The following SPON1 variants were observed in gnomAD, a reference collection of about 807,000 sequenced individuals.
SPON1 encodes spondin-1.
In SPON1, 52 loss-of-function variants were observed where a neutral mutation model predicts 111.7. The observed-to-expected ratio is 0.47, with a 90% CI of 0.37 to 0.59. SPON1 has a LOEUF of 0.59. Among genes scored for constraint, SPON1 ranks in the 20% least tolerant of loss-of-function variants. The probability of loss-of-function intolerance (pLI) is 0.00; values close to 1 mark genes in which losing one functional copy is unlikely to be tolerated. For missense variants in SPON1, 957 were observed against 1,068.5 expected, an observed-to-expected ratio of 0.90 and a Z score of 1.46; for synonymous variants, 410 against 395.8, an observed-to-expected ratio of 1.04 and a Z score of -0.43.
chr11:14,185,251 T>C (rs1419722184), intron 6 of SPON1, among the ~76,000 whole-genome samples: 1 of 152,232 alleles, frequency 6.6e-6, no homozygotes, highest in Non-Finnish European at 1.5e-5. Flanking sequence ...TTCCCTTAAA[T>C]ATTATAGCTA....
intron 2 of SPON1, among the ~76,000 whole-genome samples, chr11:14,029,390 G>A (rs1848542095): frequency 6.6e-6 from 1 of 152,178 alleles, no homozygotes; most frequent in Admixed American, 6.5e-5. Flanking sequence ...AATATACACT[G>A]ATAGTTTTGT....
At chr11:14,137,318 C>T (rs11023098) in intron 6 of SPON1, among the ~76,000 whole-genome samples, 56,360 of 152,016 alleles carry the variant, frequency 0.37, 10,925 homozygotes, top group East Asian at 0.54. Flanking sequence ...TGTTCCTAAT[C>T]AGCATGGCTG....
intron 2 of SPON1, among the ~76,000 whole-genome samples, chr11:14,012,253 G>C (rs961055294): frequency 6.6e-6 from 1 of 152,130 alleles, no homozygotes; most frequent in East Asian, 1.9e-4. Context: ...AGTGATTGCA[G>C]CTCCAGACAA....
At chr11:14,011,648 G>T (rs1186644358) in intron 2 of SPON1, among the ~76,000 whole-genome samples, 5 of 152,098 alleles carry the variant, frequency 3.3e-5, no homozygotes, top group Admixed American at 1.3e-4. Flanking sequence ...GGCCCTTCAT[G>T]ATCTGGCAAC....
chr11:14,125,356 G>A (rs1304739919), intron 5 of SPON1, among the ~76,000 whole-genome samples: 3 of 152,168 alleles, frequency 2.0e-5, no homozygotes, highest in Non-Finnish European at 2.9e-5. Context: ...GTCTGTAGAT[G>A]GGTTAACCTT....
chr11:14,255,071 T>G (rs1849091244), intron 8 of SPON1, among the ~76,000 whole-genome samples: 1 of 152,234 alleles, frequency 6.6e-6, no homozygotes, highest in Non-Finnish European at 1.5e-5. Context: ...TATGATCTAT[T>G]GCATTGAAAT....
chr11:14,008,686 A>G (rs1296035315), intron 2 of SPON1, among the ~76,000 whole-genome samples: 1 of 152,142 alleles, frequency 6.6e-6, no homozygotes, highest in Non-Finnish European at 1.5e-5. Context: ...TCCTGAGACC[A>G]TCTCTACTCA....
At chr11:14,030,479 C>T (rs1309826861) in intron 2 of SPON1, among the ~76,000 whole-genome samples, 6 of 152,194 alleles carry the variant, frequency 3.9e-5, no homozygotes, top group African/African-American at 1.4e-4. Context: ...GTCACCTCCC[C>T]CACAATCCCA....
chr11:14,026,542 C>A (rs1327367323), intron 2 of SPON1, among the ~76,000 whole-genome samples: 1 of 152,178 alleles, frequency 6.6e-6, no homozygotes, highest in Non-Finnish European at 1.5e-5. Context: ...TCTGAAATAA[C>A]CCTCAGCAGA....
At chr11:14,105,433 C>A (rs1554924805) in intron 5 of SPON1, among the ~76,000 whole-genome samples, 1 of 152,086 alleles carries the variant, frequency 6.6e-6, no homozygotes, top group African/African-American at 2.4e-5. Flanking sequence ...ATTGTTTACT[C>A]CTTCCTGCCC....
chr11:14,237,088 T>A (rs16913752), intron 6 of SPON1, among the ~76,000 whole-genome samples: 1 of 152,302 alleles, frequency 6.6e-6, no homozygotes, highest in Admixed American at 6.5e-5. Context: ...TTGGGCACAA[T>A]TGGTTTTAAA....
At chr11:14,215,035 C>G (rs1360445181) in intron 6 of SPON1, among the ~76,000 whole-genome samples, 1 of 152,078 alleles carries the variant, frequency 6.6e-6, no homozygotes, top group Non-Finnish European at 1.5e-5. Flanking sequence ...TTCTACTCTG[C>G]CTTTTTTATG....
rs373594404 is a variant in SPON1 at position 14,265,536 on chromosome 11, G to A, written c.2273G>A (p.Arg758His). The A allele has an allele frequency of 6.0e-5, 96 of 1,612,938 alleles. No individual in the cohort carries two copies. The highest frequency in any genetic ancestry group is 2.3e-4 in the South Asian group (21 of 90,758). Residue 758 changes from arginine (R) to histidine (H), a missense_variant, in exon 16 of 16, where the codon CGC (arginine) becomes CAC (histidine). Physicochemically the swap from Arg to His is conservative, Grantham distance 29. Around this residue, in one of 5 missense-constraint regions of SPON1, gnomAD observed 549 missense variants for 606.2 expected, o/e 0.91. Transcript: ENST00000576479. The stretch of plus-strand genomic sequence containing the variant: ...CTCATGCTTTCAGGTTGTAGGATGC[G>A]CCCATGGACGGCCTGGTCAGAATGC... Reference protein sequence around the residue: ...EGEQFPGCRMRPWTAWSECTK... With the variant: ...EGEQFPGCRMHPWTAWSECTK...
chr11:14,126,980 T>G (rs75124164), intron 5 of SPON1, among the ~76,000 whole-genome samples: 3,308 of 152,272 alleles, frequency 0.022, 120 homozygotes, highest in African/African-American at 0.075. Flanking sequence ...GATCCTTGCA[T>G]GTGACATTCC....
chr11:14,234,957 C>T (rs1210932183), intron 6 of SPON1, among the ~76,000 whole-genome samples: 3 of 152,198 alleles, frequency 2.0e-5, no homozygotes, highest in Non-Finnish European at 4.4e-5. Flanking sequence ...TCCCGGGGAA[C>T]GGGGCATAGA....
In SPON1 at chr11:14,262,923, G is replaced by C; in HGVS notation, c.2208G>C (p.Glu736Asp). Residue 736 changes from glutamate to aspartate, a missense_variant, in exon 15 of 16, where the codon GAG (glutamate) becomes GAC (aspartate). Physicochemically the swap from Glu to Asp is conservative, Grantham distance 45 (BLOSUM62 2). Transcript: ENST00000576479. ...IQKLRWREAR[E>D]SRRSEQLKEE... ...AGCTACGCTGGAGGGAGGCCCGAGA[G>C]AGCCGGCGGAGTGAGCAGCTGAAGG... The C allele has an allele frequency of 6.2e-7, 1 of 1,613,816 alleles. No individual in the cohort carries two copies. Among genetic ancestry groups the C allele is most frequent in the Non-Finnish European group, 8.5e-7 (1 of 1,179,896 alleles).
At chr11:14,060,376 G>A (rs911959364) in intron 3 of SPON1, among the ~76,000 whole-genome samples, 61 of 152,298 alleles carry the variant, frequency 4.0e-4, no homozygotes, top group African/African-American at 1.4e-3. Flanking sequence ...TGGAAGGCAG[G>A]AGAGCCCAGT....
intron 2 of SPON1, among the ~76,000 whole-genome samples, chr11:13,996,686 T>C (rs781846169): frequency 5.3e-5 from 8 of 151,800 alleles, no homozygotes; most frequent in Non-Finnish European, 1.0e-4. Flanking sequence ...AGGTTATATA[T>C]TATATAGAAA....
rs369529768 is a variant in SPON1, at chr11:13,978,975, G to T, written c.239-3872G>T. Among the ~76,000 whole-genome samples, 23 of 152,344 alleles carry T rather than the reference G, an allele frequency of 1.5e-4. No homozygotes were observed. The South Asian group carries it at 1.9e-3, about 12-fold the overall frequency. ...AGTGGCTGTGGAGCAGGGATTATCT[G>T]TCTTGGCTGGGGTTCCCCGGAGGCT... On this transcript the variant is annotated intron_variant, in intron 1 of 15. Transcript: ENST00000576479.
Sources: allele counts gnomAD v4.1 joint callset (sites outside exome capture counted in the v4.1 genomes callset), GRCh38; gene constraint gnomAD v4.1.1; regional missense constraint gnomAD v4.1.1; transcripts MANE v1.5; gene names NCBI Gene and HGNC (gene_info 2026-07-23, HGNC 2026-07-21).